Variants in PROCR observed in about 807,000 individuals in gnomAD.
PROCR encodes the protein endothelial protein C receptor.
A neutral mutation model predicts 24.2 loss-of-function variants in PROCR; 22 were observed. The observed-to-expected ratio is 0.91, with a 90% confidence interval of 0.65 to 1.30. The LOEUF is 1.30. PROCR is among the 50% of genes most tolerant of loss of function. The pLI, the probability that PROCR is intolerant of heterozygous loss-of-function variation, is 0.00. For synonymous variants in PROCR, 137 were observed against 139.2 expected, an observed-to-expected ratio of 0.98 and a Z score of 0.11; for missense variants, 288 against 307.7, an observed-to-expected ratio of 0.94 and a Z score of 0.48.
chr20:35,205,151 T>C (rs920767719), intron 1 of PROCR, among the ~76,000 whole-genome samples: 1 of 151,720 alleles, frequency 6.6e-6, no homozygotes, highest in Non-Finnish European at 1.5e-5. Context: ...TGTGCACTAG[T>C]AGTCCCAGCT....
At chr20:35,185,154 T>C (rs1288721619) in intron 1 of PROCR, among the ~76,000 whole-genome samples, 1 of 151,050 alleles carries the variant, frequency 6.6e-6, no homozygotes, top group East Asian at 1.9e-4. Context: ...TTACTAATGA[T>C]CAGGAAAATG....
chr20:35,179,781 TCA>T (rs2086060728), downstream of PROCR, among the ~76,000 whole-genome samples: 1 of 152,198 alleles, frequency 6.6e-6, no homozygotes, highest in African/African-American at 2.4e-5. Context: ...TGGAGAGAAC[TCA>T]GTGTTAACCT....
At chr20:35,176,591 G>A in intron 3 of PROCR, 107 bp from the exon 4 acceptor site, 1 of 1,578,160 alleles carries the variant, frequency 6.3e-7, no homozygotes, top group African/African-American at 1.3e-5. Flanking sequence ...TCAGTCAGTT[G>A]GTAAACGGGT....
intron 1 of PROCR, among the ~76,000 whole-genome samples, chr20:35,190,133 A>G (rs963438439): frequency 3.9e-5 from 6 of 152,136 alleles, no homozygotes; most frequent in African/African-American, 1.5e-4. Flanking sequence ...CCCAGTAAAA[A>G]GAAACCAAAA....
At chr20:35,191,381 G>A (rs892560597) in intron 1 of PROCR, among the ~76,000 whole-genome samples, 29 of 152,254 alleles carry the variant, frequency 1.9e-4, no homozygotes, top group Non-Finnish European at 1.2e-4. Context: ...TAGGACGTGG[G>A]AATAGAGCAA....
At chr20:35,215,923 C>A (rs940910304) in exon 2 of PROCR, 3 of 982,738 alleles carry the variant, frequency 3.1e-6, no homozygotes, top group Non-Finnish European at 3.6e-6. Context: ...TCTGGCCGGG[C>A]GCAGTGGCTC....
At chr20:35,190,278 A>G (rs1351986258) in intron 1 of PROCR, among the ~76,000 whole-genome samples, 1 of 152,196 alleles carries the variant, frequency 6.6e-6, no homozygotes, top group Admixed American at 6.5e-5. Context: ...ATCCCAAAAA[A>G]TAGATCCAAC....
intron 1 of PROCR, among the ~76,000 whole-genome samples, chr20:35,184,579 A>C (rs1247507676): frequency 6.6e-6 from 1 of 152,182 alleles, no homozygotes; most frequent in African/African-American, 2.4e-5. Flanking sequence ...GGGCGCCTGT[A>C]GTCCCAGCCA....
At chr20:35,196,485 C>G (rs1577924) in intron 1 of PROCR, among the ~76,000 whole-genome samples, 61,729 of 151,796 alleles carry the variant, frequency 0.41, 13,300 homozygotes, top group East Asian at 0.64. Context: ...ACCAAAAAAT[C>G]ACATGTTACA....
chr20:35,210,860 G>A (rs192881005), intron 1 of PROCR, among the ~76,000 whole-genome samples: 12 of 151,942 alleles, frequency 7.9e-5, no homozygotes, highest in African/African-American at 2.2e-4. Context: ...TTACTGGCAC[G>A]TGCCACTGTG....
intron 1 of PROCR, among the ~76,000 whole-genome samples, chr20:35,213,445 C>T (rs1002358244): frequency 2.0e-5 from 3 of 151,724 alleles, no homozygotes; most frequent in African/African-American, 4.8e-5. Flanking sequence ...AGCTGTTTTA[C>T]GTTAAAAAAA....
intron 1 of PROCR, among the ~76,000 whole-genome samples, chr20:35,211,661 C>T (rs1429081850): frequency 6.6e-6 from 1 of 152,124 alleles, no homozygotes; most frequent in Non-Finnish European, 1.5e-5. Context: ...AAAGCACAAT[C>T]CATAGGCCAA....
chr20:35,173,087 C>G (rs761856049), intron 1 of PROCR, among the ~76,000 whole-genome samples: 2 of 152,172 alleles, frequency 1.3e-5, no homozygotes, highest in Non-Finnish European at 2.9e-5. Flanking sequence ...CAAAGCACAA[C>G]TTCTCAAATG....
At chr20:35,185,030 CAAAAAA>C (rs55715132) in intron 1 of PROCR, among the ~76,000 whole-genome samples, 9 of 104,094 alleles carry the variant, frequency 8.6e-5, no homozygotes, top group East Asian at 6.5e-4. Context: ...ATCAGTAAGA[CAAAAAA>C]AAAAAAAAAA....
chr20:35,181,826 A>G (rs2086081704), downstream of PROCR, among the ~76,000 whole-genome samples: 1 of 152,224 alleles, frequency 6.6e-6, no homozygotes, highest in Non-Finnish European at 1.5e-5. Context: ...GAAAATAAGT[A>G]TATTGGAAGG....
Position 35,174,924 on chromosome 20 carries a change from G to A in PROCR, c.293G>A (p.Arg98His), listed in dbSNP as rs200377875. Residue 98 changes from arginine to histidine, a missense_variant, in exon 2 of 4, where the codon CGC (arginine) becomes CAC (histidine). Coordinates refer to ENST00000216968, the MANE Select transcript of PROCR (RefSeq NM_006404.5). ...SYLLQFHGLV[R>H]LVHQERTLAF... ...CTGCTCCAGTTCCACGGCCTCGTGC[G>A]CCTGGTGCACCAGGAGCGGACCTTG... 6 of 1,575,704 alleles carry A rather than the reference G, an allele frequency of 3.8e-6. No homozygotes were observed. In the Middle Eastern group the frequency reaches 5.5e-4, roughly 144 times the overall value.
At chr20:35,212,864 A>G (rs2060367383) in intron 1 of PROCR, among the ~76,000 whole-genome samples, 2 of 152,240 alleles carry the variant, frequency 1.3e-5, no homozygotes, top group South Asian at 2.1e-4. Flanking sequence ...ACCAATTTGT[A>G]TCTCTTCCAA....
chr20:35,206,147 C>G (rs1196549060), intron 1 of PROCR, among the ~76,000 whole-genome samples: 1 of 151,734 alleles, frequency 6.6e-6, no homozygotes, highest in Non-Finnish European at 1.5e-5. Flanking sequence ...ACTAGGACTA[C>G]AGGCATGAGC....
chr20:35,196,415 C>T (rs2146168508), intron 1 of PROCR, among the ~76,000 whole-genome samples: 1 of 151,984 alleles, frequency 6.6e-6, no homozygotes, highest in East Asian at 1.9e-4. Context: ...ATGAAAACCC[C>T]ACCCACCCTA....
Sources: gnomAD v4.1 joint callset for allele counts (sites outside exome capture counted in the v4.1 genomes callset) on GRCh38, gnomAD v4.1.1 for gene constraint, MANE v1.5 for transcripts, NCBI Gene and HGNC (gene_info 2026-07-23, HGNC 2026-07-21) for gene names.